NCK2: variants seen among roughly 807,000 people sequenced by gnomAD.
NCK2 encodes the protein NCK adaptor protein 2.
NCK2 carries 16 observed loss-of-function variants against 33.9 expected under a neutral mutation model. The ratio of observed to expected loss-of-function variants is 0.47; its 90% CI spans 0.32 to 0.72. The LOEUF (loss-of-function observed/expected upper bound fraction) is 0.72, where lower values mean the gene tolerates loss of function less well. Among genes scored for constraint, NCK2 ranks in the 30% least tolerant of loss-of-function variants. The probability of loss-of-function intolerance (pLI) is 0.03; values close to 1 mark genes in which losing one functional copy is unlikely to be tolerated. For missense variants in NCK2, 418 were observed against 537.3 expected, an observed-to-expected ratio of 0.78 and a Z score of 2.19; for synonymous variants, 273 against 239.9, an observed-to-expected ratio of 1.14 and a Z score of -1.27.
At chr2:105,795,936 A>G (rs1477904380) in intron 1 of NCK2, among the ~76,000 whole-genome samples, 1 of 152,264 alleles carries the variant, frequency 6.6e-6, no homozygotes, top group Non-Finnish European at 1.5e-5. Context: ...TGAATCATTT[A>G]AAATGAAACA....
chr2:105,839,435 C>G (rs1355100238), intron 2 of NCK2, among the ~76,000 whole-genome samples: 1 of 151,988 alleles, frequency 6.6e-6, no homozygotes, highest in African/African-American at 2.4e-5. Flanking sequence ...GAAGGCAAGT[C>G]TGTGGGGTTT....
Position 105,882,048 on chromosome 2 carries a change from C to G in NCK2, c.947C>G (p.Ser316Trp). ...TTCCTCATTAGGGACAGCGAGTCCT[C>G]GGTAAGTGCGCTGCGCCCACAGCTC... is the stretch of plus-strand genomic sequence containing the variant. ...GDFLIRDSES[S>W]PSDFSVSLKA... Residue 316 changes from serine (S) to tryptophan (W), a missense_variant and splice_region_variant, in exon 4 of 5, where the codon TCG becomes TGG. Ser to Trp is a radical substitution (Grantham distance 177). Transcript: ENST00000233154. 6.7e-7 allele frequency: 1 copy of G among 1,496,380 alleles called. No homozygotes were observed. 92.7% of individuals were successfully genotyped at this position (1,496,380 alleles called of 1,614,324 possible). A position where few individuals can be genotyped will look rare whatever the true frequency, so the allele number is the denominator to read the frequency against.
intron 2 of NCK2, among the ~76,000 whole-genome samples, chr2:105,838,436 G>A (rs1370376026): frequency 6.6e-6 from 1 of 151,822 alleles, no homozygotes; most frequent in South Asian, 2.1e-4. Context: ...AGAATTGGAA[G>A]ATTCACTCTT....
intron 1 of NCK2, among the ~76,000 whole-genome samples, 179 bp downstream of exon 1, chr2:105,745,317 G>A (rs954469231): frequency 6.6e-6 from 1 of 151,692 alleles, no homozygotes; most frequent in Non-Finnish European, 1.5e-5. Context: ...CCCCGACCGC[G>A]GACTGCCGGG....
intron 3 of NCK2, among the ~76,000 whole-genome samples, 185 bp from the exon 4 acceptor site, chr2:105,881,143 G>A (rs1025881896): frequency 6.6e-6 from 1 of 152,016 alleles, no homozygotes; most frequent in Non-Finnish European, 1.5e-5. Flanking sequence ...AAGTAACTTC[G>A]CAACTACAGG....
intron 3 of NCK2, among the ~76,000 whole-genome samples, chr2:105,872,458 G>C (rs2104633834): frequency 6.6e-6 from 1 of 152,322 alleles, no homozygotes; most frequent in East Asian, 1.9e-4. Context: ...GACCGAAAGA[G>C]ACATGCTCAG....
intron 2 of NCK2, among the ~76,000 whole-genome samples, chr2:105,824,598 A>G (rs1675872798): frequency 6.6e-6 from 1 of 151,548 alleles, no homozygotes. Flanking sequence ...TACATTGGTC[A>G]TTTTCCCAGT....
intron 2 of NCK2, among the ~76,000 whole-genome samples, chr2:105,832,095 G>A (rs1313135917): frequency 2.0e-5 from 3 of 151,988 alleles, no homozygotes; most frequent in African/African-American, 4.8e-5. Flanking sequence ...GGTTAAATTT[G>A]TTCTTAGGTA....
At chr2:105,841,716 C>CA (rs34320453) in intron 2 of NCK2, among the ~76,000 whole-genome samples, 45,573 of 152,094 alleles carry the variant, frequency 0.3, 7,231 homozygotes, top group South Asian at 0.4. Flanking sequence ...TAGGGGCTGC[C>CA]AGCCACCAGT....
At chr2:105,886,643 A>G (rs1678732173) in intron 4 of NCK2, among the ~76,000 whole-genome samples, 1 of 152,212 alleles carries the variant, frequency 6.6e-6, no homozygotes, top group South Asian at 2.1e-4. Context: ...ATATGGTAAA[A>G]TTCTGACTTA....
chr2:105,809,799 C>G (rs1675221173), intron 1 of NCK2, among the ~76,000 whole-genome samples: 2 of 152,026 alleles, frequency 1.3e-5, no homozygotes, highest in Non-Finnish European at 2.9e-5. Flanking sequence ...TCCATGGAGC[C>G]ATCCAGGAGG....
intron 2 of NCK2, among the ~76,000 whole-genome samples, chr2:105,839,481 T>C (rs887674022): frequency 9.9e-5 from 15 of 152,188 alleles, no homozygotes; most frequent in African/African-American, 3.1e-4. Context: ...AGACAAGAGC[T>C]TGAGGGATGA....
In NCK2 at chr2:105,881,846, A is replaced by C; in HGVS notation, c.745A>C (p.Lys249Gln). The change falls in exon 4 of 5, where the codon AAA becomes CAA. Residue 249 changes from lysine (K) to glutamine (Q), a missense_variant. Coordinates refer to ENST00000233154, the MANE Select transcript of NCK2 (RefSeq NM_003581.5). The stretch of plus-strand genomic sequence containing the variant: ...CCGGGGCCAGGTGGGCCTCGTCCCC[A>C]AAAACTACGTGGTGGTCCTCAGTGA... Reference protein sequence around the residue: ...NARGQVGLVPKNYVVVLSDGP... With the variant: ...NARGQVGLVPQNYVVVLSDGP... 1 of 1,596,076 alleles carries C rather than the reference A, an allele frequency of 6.3e-7. No homozygotes were observed. Among genetic ancestry groups the C allele is most frequent in the Non-Finnish European group, 8.5e-7 (1 of 1,170,340 alleles).
In NCK2 at chr2:105,766,718, G is replaced by C. The variant is rs139706629; in HGVS notation, c.-201+21580G>C. ...ATCCTGGCGGGGGCGGGGTCTGCAG[G>C]TGAACATCGAACCAGCCCTGGCTCT... is the stretch of plus-strand genomic sequence containing the variant. On this transcript the variant is annotated intron_variant, in intron 1 of 4. Transcript: ENST00000233154. Among the ~76,000 whole-genome samples, 29 of 152,296 alleles carry C rather than the reference G, an allele frequency of 1.9e-4. No homozygotes were observed. In the East Asian group the frequency reaches 5.0e-3, roughly 26 times the overall value.
intron 1 of NCK2, among the ~76,000 whole-genome samples, chr2:105,810,318 G>A (rs1675241088): frequency 6.6e-6 from 1 of 152,090 alleles, no homozygotes; most frequent in South Asian, 2.1e-4. Flanking sequence ...AAGTGTGTGT[G>A]TGTGAGAGAG....
At chr2:105,824,829 T>C (rs1675880873) in intron 2 of NCK2, among the ~76,000 whole-genome samples, 1 of 152,204 alleles carries the variant, frequency 6.6e-6, no homozygotes, top group Non-Finnish European at 1.5e-5. Flanking sequence ...AACACAGACC[T>C]GGTTGCCATG....
chr2:105,779,099 G>A (rs1690403167), intron 1 of NCK2, among the ~76,000 whole-genome samples: 1 of 152,136 alleles, frequency 6.6e-6, no homozygotes, highest in Non-Finnish European at 1.5e-5. Flanking sequence ...TTGAGGTCAT[G>A]AGTTTTTGGC....
chr2:105,772,925 T>G (rs533547880), intron 1 of NCK2, among the ~76,000 whole-genome samples: 1 of 147,266 alleles, frequency 6.8e-6, no homozygotes, highest in African/African-American at 2.5e-5. Context: ...ATGGTCTCCC[T>G]TTGTTGCCCA....
chr2:105,825,442 T>C (rs529893088), intron 2 of NCK2, among the ~76,000 whole-genome samples: 1 of 152,314 alleles, frequency 6.6e-6, no homozygotes, highest in Admixed American at 6.5e-5. Flanking sequence ...TGCTCAGAAA[T>C]TTAACAAAAT....
Sources: gnomAD v4.1 joint callset for allele counts (sites outside exome capture counted in the v4.1 genomes callset) on GRCh38, gnomAD v4.1.1 for gene constraint, MANE v1.5 for transcripts, NCBI Gene and HGNC (gene_info 2026-07-23, HGNC 2026-07-21) for gene names.